GCLC: variants seen among roughly 807,000 people sequenced by gnomAD.
The protein encoded by GCLC is glutamate--cysteine ligase catalytic subunit.
Under a neutral mutation model 81.5 loss-of-function variants are expected in GCLC, and 30 were observed. That is an observed-to-expected ratio of 0.37 (90% CI 0.28 to 0.50). The LOEUF (loss-of-function observed/expected upper bound fraction) is 0.50, where lower values mean the gene tolerates loss of function less well. GCLC is among the 20% of genes least tolerant of loss of function. GCLC has a pLI of 0.96. For synonymous variants in GCLC, 262 were observed against 273.3 expected (o/e 0.96, Z 0.41); for missense variants, 556 against 777.4 (o/e 0.72, Z 3.39).
intron 6 of GCLC, chr6:53,513,455 G>C (rs1764795076): frequency 6.6e-6 from 1 of 152,242 alleles, no homozygotes; most frequent in Non-Finnish European, 1.5e-5. Flanking sequence ...GTCAGACCTA[G>C]AAGGGGACTT....
intron 2 of GCLC, 38 bp downstream of exon 2, chr6:53,522,377 C>T (rs983195531): frequency 8.8e-7 from 1 of 1,136,364 alleles, no homozygotes; most frequent in African/African-American, 1.5e-5. Context: ...GAAGTTTTAG[C>T]AGTTTCAGAA....
At chr6:53,523,614 G>A (rs1369927367) in intron 1 of GCLC, among the ~76,000 whole-genome samples, 2 of 152,184 alleles carry the variant, frequency 1.3e-5, no homozygotes, top group South Asian at 2.1e-4. Context: ...AGCCCAGCAC[G>A]AAGCCTGTGA....
chr6:53,526,781 G>A (rs1763089191), intron 1 of GCLC, among the ~76,000 whole-genome samples: 1 of 125,900 alleles, frequency 7.9e-6, no homozygotes, highest in South Asian at 2.7e-4. Context: ...CTGGGTGACA[G>A]AGCAAGACTC....
At chr6:53,508,072 C>A (rs1386600443) in intron 8 of GCLC, among the ~76,000 whole-genome samples, 1 of 152,148 alleles carries the variant, frequency 6.6e-6, no homozygotes, top group East Asian at 1.9e-4. Context: ...CCTTTAAAAA[C>A]ACCCTTGTTC....
intron 1 of GCLC, among the ~76,000 whole-genome samples, chr6:53,541,178 T>C (rs1763347629): frequency 6.6e-6 from 1 of 152,068 alleles, no homozygotes; most frequent in Admixed American, 6.5e-5. Context: ...GATCACGTCA[T>C]GCACTCCAGC....
intron 12 of GCLC, among the ~76,000 whole-genome samples, chr6:53,502,458 CT>C (rs1764531741): frequency 6.6e-6 from 1 of 152,220 alleles, no homozygotes; most frequent in South Asian, 2.1e-4. Flanking sequence ...GCATTTAGTT[CT>C]CACATCAAAG....
chr6:53,533,030 A>G (rs1302582567), intron 1 of GCLC, among the ~76,000 whole-genome samples: 1 of 152,240 alleles, frequency 6.6e-6, no homozygotes, highest in African/African-American at 2.4e-5. Flanking sequence ...TATATCAAAT[A>G]TGAACTCTTT....
chr6:53,526,420 G>C (rs1006347374), intron 1 of GCLC, among the ~76,000 whole-genome samples: 14 of 152,184 alleles, frequency 9.2e-5, no homozygotes, highest in Admixed American at 7.9e-4. Context: ...TTTACCACTA[G>C]CATAAGATAA....
rs1581736894 is a variant in GCLC, at chr6:53,516,384, T to C, written c.447-162A>G. 1.6e-5 allele frequency: 10 copies of C among 639,624 alleles called. No homozygotes were observed. In the East Asian group the frequency reaches 2.9e-4, roughly 19 times the overall value. 39.6% of individuals were successfully genotyped at this position (639,624 alleles called of 1,614,324 possible). ...AGATGTTGTGTAAATACTGTGCCCCTTTACAACCACTCCCCACACTTCTTG... is the reference window on the plus strand; with the variant it reads ...AGATGTTGTGTAAATACTGTGCCCCCTTACAACCACTCCCCACACTTCTTG... On this transcript the variant is annotated intron_variant, in intron 3 of 15. Transcript: ENST00000650454.
intron 1 of GCLC, among the ~76,000 whole-genome samples, chr6:53,544,220 G>A (rs2127632930): frequency 1.3e-5 from 2 of 152,320 alleles, no homozygotes; most frequent in Middle Eastern, 6.8e-3. Flanking sequence ...ACTTTTTCAT[G>A]CTCACGCCCT....
chr6:53,506,048 G>A lies in GCLC; in HGVS notation c.1198-153C>T, dbSNP rs554171806. ...AAAGGTACAATTGAAGATTTTCTTC[G>A]AGTGTGCTCTTTTAGGAAAACAAAA... is the stretch of plus-strand genomic sequence containing the variant. On this transcript the variant is annotated intron_variant, in intron 10 of 15. Transcript: ENST00000650454. This position sits in a 1 kb window ranked among gnomAD's most constrained non-coding sequence, Gnocchi z 4.0. 11 of 665,198 alleles carry A rather than the reference G, an allele frequency of 1.7e-5. No homozygotes were observed. The highest frequency in any genetic ancestry group is 1.4e-4 in the East Asian group (5 of 35,164). The allele number at this position is 665,198 out of a possible 1,614,324, so 41.2% of individuals were successfully genotyped here.
At chr6:53,523,925 T>A (rs1304510005) in intron 1 of GCLC, 1 of 150,916 alleles carries the variant, frequency 6.6e-6, no homozygotes, top group Non-Finnish European at 1.5e-5. Context: ...ACCAGAAACA[T>A]GAGATCTCCA....
intron 10 of GCLC, 74 bp from the exon 11 acceptor site, chr6:53,505,969 A>C: frequency 1.2e-6 from 1 of 857,592 alleles, no homozygotes; most frequent in Non-Finnish European, 2.0e-6. Context: ...CTGGTATTTA[A>C]TTAAGGAAGA....
Position 53,508,536 on chromosome 6 carries a change from CA to C in GCLC, c.945+58del, listed in dbSNP as rs1229116100. The C allele has an allele frequency of 3.0e-6, 3 of 1,006,206 alleles. No homozygotes were observed. In the African/African-American group the frequency reaches 4.7e-5, roughly 16 times the overall value. 62.3% of individuals were successfully genotyped at this position (1,006,206 alleles called of 1,614,324 possible). ...GACATCCTGAAATTGCAAGTAGTTA[CA>C]AAAGATCCATTTTACCTGCTTGACT... On this transcript the variant is annotated intron_variant, in intron 8 of 15. Transcript: ENST00000650454.
intron 6 of GCLC, among the ~76,000 whole-genome samples, chr6:53,512,124 T>C (rs2127622391): frequency 6.6e-6 from 1 of 152,132 alleles, no homozygotes; most frequent in Admixed American, 6.5e-5. Flanking sequence ...TTTGTATTTT[T>C]AGTAGAGATG....
intron 1 of GCLC, among the ~76,000 whole-genome samples, chr6:53,540,056 T>A (rs1397933680): frequency 6.6e-6 from 1 of 152,172 alleles, no homozygotes; most frequent in Non-Finnish European, 1.5e-5. Context: ...TTACATGCAA[T>A]CCAATGCACA....
intron 15 of GCLC, among the ~76,000 whole-genome samples, chr6:53,499,498 C>A (rs1764460289): frequency 6.6e-6 from 1 of 152,144 alleles, no homozygotes; most frequent in Non-Finnish European, 1.5e-5. Context: ...TTTACAGAAG[C>A]CTTGAGTTAA....
At position 53,544,958 on chromosome 6, in the gene GCLC, G is replaced by A; in HGVS notation, c.-313C>T. On this transcript the variant is annotated 5_prime_UTR_variant, in exon 1 of 16. Coordinates refer to ENST00000650454, the MANE Select transcript of GCLC (RefSeq NM_001498.4). ...GCTCCTCCTCCCGCTCCGATGCGGC[G>A]GCGGCGGACCCCACGGCCGCGCTGC... 2 of 212,598 alleles carry A rather than the reference G, an allele frequency of 9.4e-6. No individual in the cohort carries two copies. Among genetic ancestry groups the A allele is most frequent in the South Asian group, 3.4e-4 (2 of 5,908 alleles). The allele number at this position is 212,598 out of a possible 1,614,324, so 13.2% of individuals were successfully genotyped here.
At chr6:53,533,816 C>T (rs1297544898) in intron 1 of GCLC, among the ~76,000 whole-genome samples, 10 of 143,002 alleles carry the variant, frequency 7.0e-5, no homozygotes, top group South Asian at 2.2e-4. Context: ...TTTTTTGAGA[C>T]GGAGTTTCAC....
Sources: allele counts gnomAD v4.1 joint callset (sites outside exome capture counted in the v4.1 genomes callset), GRCh38; gene constraint gnomAD v4.1.1; non-coding constraint Gnocchi (gnomAD v3.1); transcripts MANE v1.5; gene names NCBI Gene and HGNC (gene_info 2026-07-23, HGNC 2026-07-21).